The following TMEFF1 variants were observed in gnomAD, a reference collection of about 807,000 sequenced individuals.
The protein encoded by TMEFF1 is transmembrane protein with EGF like and two follistatin like domains 1.
TMEFF1 carries 20 observed loss-of-function variants against 47.5 expected under a neutral mutation model. The ratio of observed to expected loss-of-function variants is 0.42; its 90% confidence interval spans 0.30 to 0.61. The LOEUF (loss-of-function observed/expected upper bound fraction) is 0.61. TMEFF1 is among the 20% of genes least tolerant of loss of function. The pLI is 0.19. For missense variants in TMEFF1, 411 were observed against 471.1 expected, an observed-to-expected ratio of 0.87 and a Z score of 1.18; for synonymous variants, 162 against 166.3, an observed-to-expected ratio of 0.97 and a Z score of 0.20.
chr9:100,560,976 T>C (rs2118546337), intron 7 of TMEFF1, among the ~76,000 whole-genome samples: 1 of 152,348 alleles, frequency 6.6e-6, no homozygotes, highest in Non-Finnish European at 1.5e-5. Flanking sequence ...CAGTGTTCTT[T>C]GGCCTCAATT....
chr9:100,559,258 T>C (rs987673606), intron 7 of TMEFF1, among the ~76,000 whole-genome samples: 3 of 152,182 alleles, frequency 2.0e-5, no homozygotes, highest in Non-Finnish European at 1.5e-5. Context: ...TTGATTTCTT[T>C]TGCAATGGCA....
intron 1 of TMEFF1, among the ~76,000 whole-genome samples, chr9:100,480,777 T>C (rs1371779237): frequency 6.6e-6 from 1 of 152,222 alleles, no homozygotes; most frequent in Non-Finnish European, 1.5e-5. Context: ...AAAATAGATA[T>C]CATTTTAAAT....
intron 5 of TMEFF1, among the ~76,000 whole-genome samples, chr9:100,519,413 CTAAATAAA>C (rs35043429): frequency 2.0e-5 from 3 of 150,130 alleles, no homozygotes; most frequent in Admixed American, 1.3e-4. Flanking sequence ...TCTCAAAAGA[CTAAATAAA>C]TAAATAAATA....
intron 6 of TMEFF1, among the ~76,000 whole-genome samples, chr9:100,548,269 T>A (rs999908631): frequency 6.6e-6 from 1 of 152,196 alleles, no homozygotes; most frequent in Non-Finnish European, 1.5e-5. Context: ...TTGTTAAACC[T>A]CTTTTTATAG....
intron 1 of TMEFF1, among the ~76,000 whole-genome samples, chr9:100,485,185 A>G (rs544440991): frequency 2.0e-5 from 3 of 152,162 alleles, no homozygotes; most frequent in Non-Finnish European, 4.4e-5. Flanking sequence ...TTGTTTATCC[A>G]TTCAGTATCC....
Position 100,505,437 on chromosome 9 carries a change from A to C in TMEFF1, c.307-3568A>C, listed in dbSNP as rs1837840231. ...AAAAAAAAAAAAAAAAAAAAAAAAA[A>C]AAAACAACTAAAAGCAATTTCATAC... On this transcript the variant is annotated intron_variant, in intron 2 of 9. Coordinates refer to ENST00000374879, the MANE Select transcript of TMEFF1 (RefSeq NM_003692.5). 2.0e-5 allele frequency among the ~76,000 whole-genome samples: 3 copies of C among 150,770 alleles called. No individual in the cohort carries two copies. In the South Asian group the frequency reaches 6.3e-4, roughly 32 times the overall value.
Position 100,558,004 on chromosome 9 carries a change from A to G in TMEFF1, c.776-3393A>G, listed in dbSNP as rs146672644. 4.8e-3 allele frequency among the ~76,000 whole-genome samples: 731 copies of G among 152,258 alleles called. 8 individuals carry two copies. Among genetic ancestry groups the G allele is most frequent in the African/African-American group, 0.017 (694 of 41,562 alleles). On this transcript the variant is annotated intron_variant, in intron 7 of 9. Coordinates refer to ENST00000374879, the MANE Select transcript of TMEFF1 (RefSeq NM_003692.5). ...CTTATTAGACATGTTCATGTTTTAT[A>G]TAGCCTCACTTTGCCTACAGCTTGA...
At chr9:100,530,250 G>T (rs1192826931) in intron 5 of TMEFF1, among the ~76,000 whole-genome samples, 1 of 152,040 alleles carries the variant, frequency 6.6e-6, no homozygotes, top group African/African-American at 2.4e-5. Context: ...AATCAGAGCA[G>T]AACTGAAGGA....
At chr9:100,482,256 G>A (rs74540197) in intron 1 of TMEFF1, among the ~76,000 whole-genome samples, 17,636 of 150,020 alleles carry the variant, frequency 0.12, 1,158 homozygotes, top group Middle Eastern at 0.18. Context: ...GGAGTGCAGC[G>A]GCTTGATCTT....
chr9:100,564,891 G>C (rs1839092086), intron 8 of TMEFF1, among the ~76,000 whole-genome samples: 1 of 152,170 alleles, frequency 6.6e-6, no homozygotes, highest in Non-Finnish European at 1.5e-5. Context: ...ACTCACAGAT[G>C]TTGGTGACCG....
At chr9:100,509,407 T>C (rs186576646) in intron 3 of TMEFF1, among the ~76,000 whole-genome samples, 174 of 152,284 alleles carry the variant, frequency 1.1e-3, no homozygotes, top group African/African-American at 4.0e-3. Flanking sequence ...CTTTGCCTTA[T>C]GATTTGAACA....
At chr9:100,554,243 T>C (rs1176242110) in intron 7 of TMEFF1, among the ~76,000 whole-genome samples, 2 of 152,182 alleles carry the variant, frequency 1.3e-5, no homozygotes, top group Non-Finnish European at 2.9e-5. Context: ...ATATGTCCTT[T>C]TAAAAACGAT....
chr9:100,539,944 G>A (rs1339470614), intron 5 of TMEFF1, among the ~76,000 whole-genome samples: 1 of 152,190 alleles, frequency 6.6e-6, no homozygotes, highest in East Asian at 1.9e-4. Context: ...AGGTCTCCAA[G>A]TCCCCTACCC....
chr9:100,477,958 T>C (rs181200927), intron 1 of TMEFF1, among the ~76,000 whole-genome samples: 4 of 152,236 alleles, frequency 2.6e-5, no homozygotes, highest in Admixed American at 2.6e-4. Context: ...TTTGAGCATG[T>C]GTTTATTTCT....
intron 7 of TMEFF1, among the ~76,000 whole-genome samples, chr9:100,555,160 C>T (rs1254912532): frequency 7.1e-6 from 1 of 140,992 alleles, no homozygotes; most frequent in Non-Finnish European, 1.6e-5. Context: ...ATTGTACACA[C>T]AGACACACAC....
intron 1 of TMEFF1, among the ~76,000 whole-genome samples, chr9:100,491,423 T>C (rs563670943): frequency 6.6e-6 from 1 of 152,346 alleles, no homozygotes; most frequent in Non-Finnish European, 1.5e-5. Flanking sequence ...TTTGAACATA[T>C]TCTGTGGGGA....
chr9:100,491,954 A>G (rs1837559612), intron 1 of TMEFF1, among the ~76,000 whole-genome samples: 1 of 147,254 alleles, frequency 6.8e-6, no homozygotes, highest in East Asian at 2.0e-4. Flanking sequence ...GATCTTACTC[A>G]CTGCTACCTC....
In TMEFF1 at chr9:100,537,009, A is replaced by G. The variant is rs142645589; in HGVS notation, c.561-10735A>G. ...TGAAGAGATGTTACATGATAGAATT[A>G]GAGTCTAAAAGATTTCAGCATGCTG... On this transcript the variant is annotated intron_variant, in intron 5 of 9. Coordinates refer to ENST00000374879, the MANE Select transcript of TMEFF1 (RefSeq NM_003692.5). Among the ~76,000 whole-genome samples the G allele has an allele frequency of 6.7e-4, 102 of 152,356 alleles. 1 individual carries two copies. Among genetic ancestry groups the G allele is most frequent in the African/African-American group, 2.4e-3 (100 of 41,586 alleles).
intron 1 of TMEFF1, among the ~76,000 whole-genome samples, chr9:100,484,667 T>TCATC (rs1050650621): frequency 7.9e-5 from 12 of 151,104 alleles, no homozygotes; most frequent in African/African-American, 2.9e-4. Context: ...CCACCTCTCC[T>TCATC]CATCCAGCCC....
Sources: gnomAD v4.1 joint callset for allele counts (sites outside exome capture counted in the v4.1 genomes callset) on GRCh38, gnomAD v4.1.1 for gene constraint, MANE v1.5 for transcripts, NCBI Gene and HGNC (gene_info 2026-07-23, HGNC 2026-07-21) for gene names.